SGCD: variants seen among roughly 807,000 people sequenced by gnomAD.
SGCD encodes delta-sarcoglycan.
A neutral mutation model predicts 36.6 loss-of-function variants in SGCD; 18 were observed. The ratio of observed to expected loss-of-function variants is 0.49; its 90% confidence interval spans 0.34 to 0.73. The LOEUF is 0.73. Ranked by LOEUF, SGCD falls within the 30% of genes least tolerant of loss-of-function variation. SGCD has a pLI of 0.01. For synonymous variants in SGCD, 133 were observed against 130.6 expected (o/e 1.02, Z -0.12); for missense variants, 387 against 346.7 (o/e 1.12, Z -0.92).
chr5:156,263,101 T>A (rs187534002), intron 3 of SGCD, among the ~76,000 whole-genome samples: 1 of 152,116 alleles, frequency 6.6e-6, no homozygotes, highest in Non-Finnish European at 1.5e-5. Context: ...TGTAATGACT[T>A]ATTTTCCTCT....
chr5:156,573,067 A>G (rs1472041262), intron 4 of SGCD, among the ~76,000 whole-genome samples: 1 of 152,194 alleles, frequency 6.6e-6, no homozygotes, highest in Non-Finnish European at 1.5e-5. Context: ...TGTATTTTAT[A>G]TTAATGATAT....
intron 1 of SGCD, among the ~76,000 whole-genome samples, chr5:156,074,129 TTTAC>T (rs1184099093): frequency 6.6e-6 from 1 of 152,214 alleles, no homozygotes; most frequent in African/African-American, 2.4e-5. Flanking sequence ...TATATAAATG[TTTAC>T]TTATTTATTA....
intron 3 of SGCD, among the ~76,000 whole-genome samples, chr5:156,480,325 G>A (rs565075638): frequency 2.6e-5 from 4 of 152,244 alleles, no homozygotes; most frequent in Admixed American, 1.3e-4. Flanking sequence ...GCTCTGTTTC[G>A]TTGGATTCTT....
chr5:155,875,728 A>T (rs755747868), intron 1 of SGCD, among the ~76,000 whole-genome samples: 2 of 151,612 alleles, frequency 1.3e-5, no homozygotes, highest in African/African-American at 2.4e-5. Flanking sequence ...AGGCAAAAGC[A>T]TCTGACATTC....
chr5:156,045,941 A>G (rs991893465), intron 1 of SGCD, among the ~76,000 whole-genome samples: 1 of 152,108 alleles, frequency 6.6e-6, no homozygotes, highest in Non-Finnish European at 1.5e-5. Flanking sequence ...AAAACTCTGA[A>G]TCTTGCATAG....
chr5:156,617,649 A>G (rs1240582499), intron 6 of SGCD, among the ~76,000 whole-genome samples: 2 of 152,200 alleles, frequency 1.3e-5, no homozygotes, highest in Non-Finnish European at 2.9e-5. Flanking sequence ...GGGATCAGAG[A>G]GTCTATTCAC....
At chr5:156,326,565 C>T (rs894077835), upstream of SGCD, among the ~76,000 whole-genome samples, 2 of 152,168 alleles carry the variant, frequency 1.3e-5, no homozygotes, top group Non-Finnish European at 2.9e-5. Context: ...AAATATTGCT[C>T]CCCCTCAAGC....
chr5:155,979,673 T>G (rs73301401), intron 1 of SGCD, among the ~76,000 whole-genome samples: 2,709 of 152,232 alleles, frequency 0.018, 67 homozygotes, highest in African/African-American at 0.062. Context: ...CTGGCCCAGT[T>G]GTTGGGTGTA....
chr5:156,056,147 A>T (rs1289200035), intron 1 of SGCD, among the ~76,000 whole-genome samples: 2 of 146,000 alleles, frequency 1.4e-5, no homozygotes, highest in African/African-American at 4.9e-5. Flanking sequence ...AAATTATAAC[A>T]ATGACAGAGA....
rs956213882 is a variant in SGCD at position 156,448,565 on chromosome 5, T to A, written c.193-60036T>A. ...AGGACTGGTTTAAATAGCCTCACAT[T>A]GCCTGGAAATTAATTTTCAGGGCAT... is the stretch of plus-strand genomic sequence containing the variant. On this transcript the variant is annotated intron_variant, in intron 3 of 8. Transcript: ENST00000337851. Among the ~76,000 whole-genome samples, 7 of 152,190 alleles carry A rather than the reference T, an allele frequency of 4.6e-5. No individual in the cohort carries two copies. In the East Asian group the frequency reaches 1.4e-3, roughly 29 times the overall value.
At chr5:156,635,543 C>G (rs1174868564) in intron 6 of SGCD, among the ~76,000 whole-genome samples, 1 of 151,894 alleles carries the variant, frequency 6.6e-6, no homozygotes, top group Non-Finnish European at 1.5e-5. Context: ...GGGTATATAC[C>G]CAAAGGATTA....
At chr5:156,319,672 G>A (rs1025385027) in intron 3 of SGCD, among the ~76,000 whole-genome samples, 4 of 152,146 alleles carry the variant, frequency 2.6e-5, no homozygotes, top group East Asian at 1.9e-4. Flanking sequence ...TTTGCCCTAC[G>A]AGGCAGCTAG....
chr5:155,825,156 A>T, the SGCD span, among the ~76,000 whole-genome samples: 1 of 152,202 alleles, frequency 6.6e-6, no homozygotes, highest in Non-Finnish European at 1.5e-5. Flanking sequence ...TGCGTTTGCC[A>T]GCCATTCATG....
chr5:156,205,629 A>C (rs1764256717), intron 3 of SGCD, among the ~76,000 whole-genome samples: 1 of 152,086 alleles, frequency 6.6e-6, no homozygotes, highest in African/African-American at 2.4e-5. Flanking sequence ...ATATCTGTAG[A>C]CTATATCTTC....
intron 7 of SGCD, among the ~76,000 whole-genome samples, chr5:156,651,915 G>T (rs192847746): frequency 6.6e-6 from 1 of 151,944 alleles, no homozygotes; most frequent in Non-Finnish European, 1.5e-5. Context: ...CATGAGCATG[G>T]AATGTTTTCC....
At chr5:156,696,126 C>T (rs948837493) in intron 7 of SGCD, among the ~76,000 whole-genome samples, 2 of 152,156 alleles carry the variant, frequency 1.3e-5, no homozygotes, top group East Asian at 1.9e-4. Context: ...TCAGGAGATT[C>T]GGGAATTATC....
At chr5:156,107,662 A>G (rs1242447154) in intron 1 of SGCD, among the ~76,000 whole-genome samples, 1 of 152,116 alleles carries the variant, frequency 6.6e-6, no homozygotes, top group African/African-American at 2.4e-5. Flanking sequence ...CCTCCTAGGC[A>G]ACTGAAAGTA....
At chr5:155,919,649 A>G (rs1408199883) in intron 1 of SGCD, among the ~76,000 whole-genome samples, 3 of 152,190 alleles carry the variant, frequency 2.0e-5, no homozygotes, top group Non-Finnish European at 4.4e-5. Flanking sequence ...TAGATCATTC[A>G]TCATGGCAAT....
rs1757944504 is a variant in SGCD at position 155,968,482 on chromosome 5, A to G, written c.-282+98058A>G. On this transcript the variant is annotated intron_variant, in intron 1 of 9. Transcript: ENST00000517913. The stretch of plus-strand genomic sequence containing the variant: ...GAGTAGAGTACAATAAAATATTTTG[A>G]GAGAGAAAGACCACCCCATGCATAT... Among the ~76,000 whole-genome samples the G allele has an allele frequency of 2.0e-5, 3 of 152,114 alleles. No homozygotes were observed. The South Asian group carries it at 6.2e-4, about 31-fold the overall frequency.
Sources: gnomAD v4.1 joint callset for allele counts (sites outside exome capture counted in the v4.1 genomes callset) on GRCh38, gnomAD v4.1.1 for gene constraint, MANE v1.5 for transcripts, NCBI Gene and HGNC (gene_info 2026-07-23, HGNC 2026-07-21) for gene names.